The following AKAP13 variants were observed in gnomAD, a reference collection of about 807,000 sequenced individuals.
The protein encoded by AKAP13 is A-kinase anchoring protein 13.
In AKAP13, 80 loss-of-function variants were observed where a neutral mutation model predicts 264.5. The observed-to-expected ratio is 0.30, with a 90% CI of 0.25 to 0.36. The LOEUF (loss-of-function observed/expected upper bound fraction) is 0.36. AKAP13 is among the 10% of genes least tolerant of loss of function. The pLI is 1.00. For synonymous variants in AKAP13, 1,380 were observed against 1,250.2 expected, an observed-to-expected ratio of 1.10 and a Z score of -2.19; for missense variants, 3,712 against 3,435.2, an observed-to-expected ratio of 1.08 and a Z score of -2.01.
intron 10 of AKAP13, chr15:85,651,610 G>A (rs2082853180): frequency 6.6e-6 from 1 of 152,184 alleles, no homozygotes; most frequent in Non-Finnish European, 1.5e-5. Context: ...TTTAGTGTAT[G>A]TGCTACTGAA....
chr15:85,686,229 T>C (rs2084919409), intron 16 of AKAP13, among the ~76,000 whole-genome samples: 1 of 152,062 alleles, frequency 6.6e-6, no homozygotes, highest in African/African-American at 2.4e-5. Context: ...TACATACAGA[T>C]ATATACACAC....
intron 1 of AKAP13, among the ~76,000 whole-genome samples, chr15:85,410,396 C>G (rs938425075): frequency 6.6e-6 from 1 of 151,674 alleles, no homozygotes; most frequent in Non-Finnish European, 1.5e-5. Context: ...TCAGATTTCT[C>G]TTAATTTTCC....
chr15:85,711,615 C>T (rs2086637823), intron 19 of AKAP13, among the ~76,000 whole-genome samples: 1 of 152,070 alleles, frequency 6.6e-6, no homozygotes, highest in Non-Finnish European at 1.5e-5. Context: ...TTAAAGTTCC[C>T]CTAGAGACAG....
At chr15:85,452,052 C>T (rs926331688) in intron 1 of AKAP13, among the ~76,000 whole-genome samples, 5 of 151,878 alleles carry the variant, frequency 3.3e-5, no homozygotes, top group Admixed American at 2.6e-4. Context: ...AGGTTTTGTT[C>T]ATTCCTTTTT....
chr15:85,391,899 C>T (rs931076325), intron 1 of AKAP13, among the ~76,000 whole-genome samples: 1 of 152,048 alleles, frequency 6.6e-6, no homozygotes, highest in African/African-American at 2.4e-5. Flanking sequence ...ATTCTCCTGC[C>T]TCAGCCTCCC....
Position 85,723,059 on chromosome 15 carries a change from C to T in AKAP13, c.6497-13C>T. On this transcript the variant is annotated splice_polypyrimidine_tract_variant and intron_variant, in intron 25 of 36. Transcript: ENST00000394518. The stretch of plus-strand genomic sequence containing the variant: ...AAGAGCCATAAAAAACAGAATTATT[C>T]TTTCCTTCCAAGACAATGAAGTGGA... 3.7e-6 allele frequency: 6 copies of T among 1,608,270 alleles called. No individual in the cohort carries two copies. Among genetic ancestry groups the T allele is most frequent in the South Asian group, 2.2e-5 (2 of 90,660 alleles).
chr15:85,593,247 G>A (rs2079659680), intron 8 of AKAP13, among the ~76,000 whole-genome samples: 2 of 152,156 alleles, frequency 1.3e-5, no homozygotes, highest in African/African-American at 4.8e-5. Context: ...GGGAGGTGGA[G>A]GTTGCAGTGA....
chr15:85,557,046 G>C (rs539964427), intron 5 of AKAP13, among the ~76,000 whole-genome samples: 50 of 152,172 alleles, frequency 3.3e-4, no homozygotes, highest in Non-Finnish European at 6.6e-4. Flanking sequence ...TGTTGTTTAA[G>C]GTGTGAGTGT....
chr15:85,621,734 A>G (rs775950385), intron 8 of AKAP13, among the ~76,000 whole-genome samples: 3 of 152,214 alleles, frequency 2.0e-5, no homozygotes, highest in African/African-American at 4.8e-5. Flanking sequence ...GAGACTTGCC[A>G]GGCAGTTACT....
At chr15:85,479,702 T>G (rs1384196089) in intron 1 of AKAP13, among the ~76,000 whole-genome samples, 2 of 152,194 alleles carry the variant, frequency 1.3e-5, no homozygotes, top group Non-Finnish European at 2.9e-5. Flanking sequence ...GATCACCAAG[T>G]TAACAGGTAC....
At chr15:85,742,601 CCTCT>C (rs777398161) in intron 35 of AKAP13, among the ~76,000 whole-genome samples, 1 of 152,342 alleles carries the variant, frequency 6.6e-6, no homozygotes, top group Non-Finnish European at 1.5e-5. Context: ...TGATGAAAAA[CCTCT>C]CTTTCTCTAT....
chr15:85,629,763 C>CGTTTTTTTTTTTTT (rs1567164100), intron 8 of AKAP13, among the ~76,000 whole-genome samples: 2 of 76,148 alleles, frequency 2.6e-5, no homozygotes. Flanking sequence ...TCCTTTACAG[C>CGTTTTTTTTTTTTT]CTTTTTTTTT....
chr15:85,748,833 C>G lies in AKAP13; in HGVS notation c.*4156C>G, dbSNP rs1395408300. 1 of 152,326 alleles carries G rather than the reference C, an allele frequency of 6.6e-6. No individual in the cohort carries two copies. The highest frequency in any genetic ancestry group is 2.4e-5 in the African/African-American group (1 of 41,472). 9.4% of individuals were successfully genotyped at this position (152,326 alleles called of 1,614,324 possible). A position where few individuals can be genotyped will look rare whatever the true frequency, so the allele number is the denominator to read the frequency against. Reference sequence around the variant, plus strand: ...CTGCCCTACAACCAGGTGGGACCACCTGTGCTGCAGTCCGGAGGGGCTTCT... The same window carrying G: ...CTGCCCTACAACCAGGTGGGACCACGTGTGCTGCAGTCCGGAGGGGCTTCT... On this transcript the variant is annotated 3_prime_UTR_variant, in exon 37 of 37. Coordinates refer to ENST00000394518, the MANE Select transcript of AKAP13 (RefSeq NM_007200.5).
chr15:85,697,287 G>A (rs1046428369), intron 17 of AKAP13, among the ~76,000 whole-genome samples: 4 of 152,266 alleles, frequency 2.6e-5, no homozygotes, highest in Non-Finnish European at 5.9e-5. Context: ...ATCACTAAAA[G>A]GGGCCGGGCG....
chr15:85,407,230 C>CT (rs796411972), intron 1 of AKAP13, among the ~76,000 whole-genome samples: 4,909 of 132,156 alleles, frequency 0.037, 163 homozygotes, highest in African/African-American at 0.063. Flanking sequence ...TGTGCTGGGT[C>CT]TTTTTTTTTT....
intron 9 of AKAP13, among the ~76,000 whole-genome samples, chr15:85,640,620 C>G (rs556010732): frequency 6.6e-6 from 1 of 152,228 alleles, no homozygotes; most frequent in East Asian, 1.9e-4. Context: ...AAGATTGGCC[C>G]TGTTCACAGA....
chr15:85,460,295 G>A (rs998565172), intron 1 of AKAP13, among the ~76,000 whole-genome samples: 7 of 152,140 alleles, frequency 4.6e-5, no homozygotes, highest in African/African-American at 1.7e-4. Flanking sequence ...ATGTGCATAT[G>A]CATTTGTACA....
intron 8 of AKAP13, among the ~76,000 whole-genome samples, chr15:85,618,740 A>G (rs182966562): frequency 6.6e-5 from 10 of 152,332 alleles, no homozygotes; most frequent in South Asian, 4.1e-4. Flanking sequence ...CCAGGCAGCT[A>G]TACTTAGTCG....
chr15:85,433,348 C>A (rs1163649272), intron 1 of AKAP13, among the ~76,000 whole-genome samples: 3 of 152,190 alleles, frequency 2.0e-5, no homozygotes, highest in Non-Finnish European at 2.9e-5. Flanking sequence ...TAAATTTTAT[C>A]CAAAATGCTT....
Sources: gnomAD v4.1 joint callset for allele counts (sites outside exome capture counted in the v4.1 genomes callset) on GRCh38, gnomAD v4.1.1 for gene constraint, MANE v1.5 for transcripts, NCBI Gene and HGNC (gene_info 2026-07-23, HGNC 2026-07-21) for gene names.